The following ASCC3 variants were observed in gnomAD, a reference collection of about 807,000 sequenced individuals.
ASCC3 encodes the protein activating signal cointegrator 1 complex subunit 3.
In ASCC3, 158 loss-of-function variants were observed where a neutral mutation model predicts 256.3. That is an observed-to-expected ratio of 0.62 (90% CI 0.54 to 0.70). The LOEUF is 0.70. Ranked by LOEUF, ASCC3 falls within the 30% of genes least tolerant of loss-of-function variation. The pLI is 0.00. For missense variants in ASCC3, 2,259 were observed against 2,626.0 expected, an observed-to-expected ratio of 0.86 and a Z score of 3.05; for synonymous variants, 948 against 883.4, an observed-to-expected ratio of 1.07 and a Z score of -1.30.
At chr6:100,820,868 G>A (rs1022751764) in intron 4 of ASCC3, among the ~76,000 whole-genome samples, 2 of 152,092 alleles carry the variant, frequency 1.3e-5, no homozygotes, top group African/African-American at 2.4e-5. Context: ...CAATAACCAG[G>A]ATGAAACTCA....
chr6:100,794,801 T>A (rs544860615), intron 8 of ASCC3, among the ~76,000 whole-genome samples: 5 of 152,172 alleles, frequency 3.3e-5, no homozygotes, highest in African/African-American at 1.2e-4. Context: ...CAGTAGTCCA[T>A]TTTTGCTGAA....
At chr6:100,676,342 A>G (rs1344366443) in intron 14 of ASCC3, among the ~76,000 whole-genome samples, 1 of 152,170 alleles carries the variant, frequency 6.6e-6, no homozygotes, top group Non-Finnish European at 1.5e-5. Context: ...ATTCCATTTG[A>G]GAGAAGAGAA....
At chr6:100,635,804 AAAT>A (rs1372822634) in intron 25 of ASCC3, among the ~76,000 whole-genome samples, 1 of 152,148 alleles carries the variant, frequency 6.6e-6, no homozygotes, top group Non-Finnish European at 1.5e-5. Flanking sequence ...ATTTGATATT[AAAT>A]AATATCATGG....
At chr6:100,826,199 T>C (rs909310931) in intron 4 of ASCC3, among the ~76,000 whole-genome samples, 1 of 152,112 alleles carries the variant, frequency 6.6e-6, no homozygotes, top group African/African-American at 2.4e-5. Flanking sequence ...TGGCGTGATC[T>C]TGGCTCACCG....
At chr6:100,862,231 T>G (rs986387604) in intron 3 of ASCC3, among the ~76,000 whole-genome samples, 6 of 152,174 alleles carry the variant, frequency 3.9e-5, no homozygotes, top group Non-Finnish European at 7.4e-5. Context: ...CAAATGCCAT[T>G]ACAAACCTCA....
chr6:100,843,613 C>A (rs550827999), intron 4 of ASCC3, among the ~76,000 whole-genome samples: 3 of 152,088 alleles, frequency 2.0e-5, no homozygotes, highest in African/African-American at 7.2e-5. Flanking sequence ...CTTTCAGATC[C>A]CACTTTACAT....
At chr6:100,579,246 T>C (rs996845525) in intron 36 of ASCC3, among the ~76,000 whole-genome samples, 1 of 151,596 alleles carries the variant, frequency 6.6e-6, no homozygotes, top group Non-Finnish European at 1.5e-5. Flanking sequence ...ATATTAGACC[T>C]TTGTCAGAGG....
intron 8 of ASCC3, among the ~76,000 whole-genome samples, chr6:100,785,747 A>G (rs1380258108): frequency 6.6e-6 from 1 of 152,164 alleles, no homozygotes; most frequent in Non-Finnish European, 1.5e-5. Flanking sequence ...AATACTCAAT[A>G]TGCCTGTAAG....
intron 37 of ASCC3, among the ~76,000 whole-genome samples, chr6:100,528,799 T>C (rs539803708): frequency 1.3e-5 from 2 of 152,322 alleles, no homozygotes; most frequent in East Asian, 1.9e-4. Flanking sequence ...CCTAGAATAC[T>C]TTCAAAGCAG....
chr6:100,537,577 T>C (rs1165062973), intron 37 of ASCC3, among the ~76,000 whole-genome samples: 1 of 152,074 alleles, frequency 6.6e-6, no homozygotes, highest in Admixed American at 6.6e-5. Context: ...CTGGGTAAAA[T>C]GTACAAGAAA....
At chr6:100,868,715 T>G (rs1447339113) in intron 1 of ASCC3, among the ~76,000 whole-genome samples, 1 of 152,186 alleles carries the variant, frequency 6.6e-6, no homozygotes, top group Non-Finnish European at 1.5e-5. Flanking sequence ...ACCAGAATAT[T>G]TTTGGTACTC....
At chr6:100,826,568 A>G (rs1771321804) in intron 4 of ASCC3, among the ~76,000 whole-genome samples, 3 of 152,194 alleles carry the variant, frequency 2.0e-5, no homozygotes, top group Non-Finnish European at 4.4e-5. Context: ...AATACTATCA[A>G]TGTTGAATCT....
chr6:100,579,984 T>G (rs1278374776), intron 36 of ASCC3, among the ~76,000 whole-genome samples: 1 of 152,198 alleles, frequency 6.6e-6, no homozygotes, highest in African/African-American at 2.4e-5. Flanking sequence ...CATTTGTTTG[T>G]GTCAACTCTG....
intron 37 of ASCC3, among the ~76,000 whole-genome samples, chr6:100,523,902 T>C (rs765799720): frequency 8.5e-5 from 13 of 152,140 alleles, no homozygotes; most frequent in Non-Finnish European, 1.5e-4. Flanking sequence ...CAGTGAATTA[T>C]ATAAAGTCAG....
intron 8 of ASCC3, among the ~76,000 whole-genome samples, chr6:100,782,353 T>G (rs1406173593): frequency 1.3e-5 from 2 of 152,190 alleles, no homozygotes; most frequent in African/African-American, 4.8e-5. Context: ...TTTGAGTATA[T>G]TGATTACAAT....
chr6:100,712,706 TA>T (rs1413534360), intron 13 of ASCC3, among the ~76,000 whole-genome samples: 1 of 151,860 alleles, frequency 6.6e-6, no homozygotes, highest in African/African-American at 2.4e-5. Context: ...GGTAGTTTTT[TA>T]AAAAGCTAAA....
chr6:100,788,333 T>C (rs1769188835), intron 8 of ASCC3, among the ~76,000 whole-genome samples: 1 of 151,882 alleles, frequency 6.6e-6, no homozygotes. Flanking sequence ...CTGACAAAAA[T>C]ATAGGGTAAG....
intron 10 of ASCC3, among the ~76,000 whole-genome samples, chr6:100,752,399 GA>G (rs1013519249): frequency 6.6e-6 from 1 of 152,016 alleles, no homozygotes; most frequent in African/African-American, 2.4e-5. Flanking sequence ...ATTATATATG[GA>G]AACCCAAATA....
intron 25 of ASCC3, 43 bp from the exon 26 acceptor site, chr6:100,631,256 T>G (rs1485578246): frequency 1.4e-6 from 2 of 1,451,508 alleles, no homozygotes; most frequent in Non-Finnish European, 1.9e-6. Flanking sequence ...ATGAAAATAG[T>G]GATAGCATTT....
Sources: allele counts gnomAD v4.1 joint callset (sites outside exome capture counted in the v4.1 genomes callset), GRCh38; gene constraint gnomAD v4.1.1; transcripts MANE v1.5; gene names NCBI Gene and HGNC (gene_info 2026-07-23, HGNC 2026-07-21).